The following NTRK3 variants were observed in gnomAD, a reference collection of about 807,000 sequenced individuals.
NTRK3 encodes NT-3 growth factor receptor.
NTRK3 carries 24 observed loss-of-function variants against 91.7 expected under a neutral mutation model. The ratio of observed to expected loss-of-function variants is 0.26; its 90% CI spans 0.19 to 0.37. The LOEUF is 0.37. Ranked by LOEUF, NTRK3 falls within the 10% of genes least tolerant of loss-of-function variation. The pLI is 1.00. For missense variants in NTRK3, 880 were observed against 1,068.9 expected (o/e 0.82, Z 2.46); for synonymous variants, 483 against 404.0 (o/e 1.20, Z -2.34).
intron 14 of NTRK3, among the ~76,000 whole-genome samples, chr15:87,966,631 C>T (rs7166703): frequency 0.031 from 4,765 of 152,294 alleles, 259 homozygotes; most frequent in African/African-American, 0.11. Flanking sequence ...GTACCTGCAG[C>T]GTAGCCCACC....
chr15:88,225,285 G>T (rs1376041873), intron 3 of NTRK3, among the ~76,000 whole-genome samples: 9 of 152,142 alleles, frequency 5.9e-5, no homozygotes, highest in African/African-American at 2.2e-4. Context: ...AGACATTTCT[G>T]CACAAATACT....
At chr15:87,959,268 G>T (rs150589532) in intron 14 of NTRK3, among the ~76,000 whole-genome samples, 1 of 152,136 alleles carries the variant, frequency 6.6e-6, no homozygotes, top group Non-Finnish European at 1.5e-5. Flanking sequence ...GGCTCCTTGC[G>T]TCTCCATCAG....
intron 17 of NTRK3, among the ~76,000 whole-genome samples, chr15:87,910,603 G>A (rs1243232920): frequency 1.3e-5 from 2 of 152,212 alleles, no homozygotes; most frequent in Admixed American, 1.3e-4. Context: ...AACAGATTCT[G>A]TGTAAAAGTA....
intron 13 of NTRK3, among the ~76,000 whole-genome samples, chr15:88,094,164 G>A (rs1391457133): frequency 6.6e-6 from 1 of 152,132 alleles, no homozygotes; most frequent in African/African-American, 2.4e-5. Context: ...GCAGGAAGGG[G>A]CTTAAGAATA....
chr15:87,869,899 A>G (rs1046135467), exon 19 of NTRK3: 7 of 190,828 alleles, frequency 3.7e-5, no homozygotes, highest in African/African-American at 1.6e-4. Flanking sequence ...TTTAAAAATA[A>G]TATGTGAAAC....
intron 13 of NTRK3, among the ~76,000 whole-genome samples, chr15:88,110,329 G>T (rs1219442470): frequency 1.3e-5 from 2 of 152,214 alleles, no homozygotes; most frequent in African/African-American, 4.8e-5. Context: ...GGCACCGTGG[G>T]GTAGGCAGAA....
intron 3 of NTRK3, among the ~76,000 whole-genome samples, chr15:88,194,048 C>T (rs1013099871): frequency 3.9e-5 from 6 of 152,202 alleles, no homozygotes; most frequent in Non-Finnish European, 7.3e-5. Flanking sequence ...CAAATCCAAT[C>T]GACTCTTCTC....
At position 88,234,270 on chromosome 15, in the gene NTRK3, A is replaced by G. The variant is rs2141783028; in HGVS notation, c.248+21636T>C. On this transcript the variant is annotated intron_variant, in intron 3 of 18. Transcript: ENST00000394480. This position sits in a 1 kb window ranked among gnomAD's most constrained non-coding sequence, Gnocchi z 6.1. ...CATAGCCTACACATCTCCAGACTGC[A>G]CTCTCTTCCTTCATTCATTCATTCT... Among the ~76,000 whole-genome samples, 1 of 151,932 alleles carries G rather than the reference A, an allele frequency of 6.6e-6. No individual in the cohort carries two copies. The highest frequency in any genetic ancestry group is 3.4e-3 in the Middle Eastern group (1 of 294).
intron 17 of NTRK3, among the ~76,000 whole-genome samples, chr15:87,923,758 AACAGGTG>A (rs2068064771): frequency 6.6e-6 from 1 of 152,178 alleles, no homozygotes; most frequent in Admixed American, 6.5e-5. Flanking sequence ...TGAGACCTCT[AACAGGTG>A]ATTAATCATG....
chr15:88,224,725 G>T (rs1002742092), intron 3 of NTRK3, among the ~76,000 whole-genome samples: 2 of 152,196 alleles, frequency 1.3e-5, no homozygotes, highest in African/African-American at 4.8e-5. Context: ...TACCTACCAG[G>T]AGTGCTGCGA....
At chr15:88,030,168 C>G (rs988689406) in intron 14 of NTRK3, among the ~76,000 whole-genome samples, 1 of 152,204 alleles carries the variant, frequency 6.6e-6, no homozygotes, top group African/African-American at 2.4e-5. Context: ...TCCCCTGCTC[C>G]TTCAAGTCTC....
intron 17 of NTRK3, among the ~76,000 whole-genome samples, chr15:87,900,691 GT>G (rs1308496476): frequency 7.5e-4 from 5 of 6,654 alleles, no homozygotes; most frequent in Non-Finnish European, 3.7e-3. Context: ...TTTACAGAGG[GT>G]GTGTGTGTGT....
chr15:88,221,589 G>A, intron 3 of NTRK3, among the ~76,000 whole-genome samples: 1 of 152,176 alleles, frequency 6.6e-6, no homozygotes, highest in East Asian at 1.9e-4. Context: ...CCAGGAGTTT[G>A]AGACCAGCCT....
intron 13 of NTRK3, among the ~76,000 whole-genome samples, chr15:88,108,552 C>T (rs2050965726): frequency 1.3e-5 from 2 of 152,210 alleles, no homozygotes; most frequent in African/African-American, 2.4e-5. Context: ...AATGTTACAA[C>T]TGAAAGGGAC....
intron 17 of NTRK3, among the ~76,000 whole-genome samples, chr15:87,913,476 T>C (rs1269436915): frequency 6.6e-6 from 1 of 152,136 alleles, no homozygotes; most frequent in Non-Finnish European, 1.5e-5. Context: ...TCTACTTTCA[T>C]GGCAGATGTC....
chr15:88,111,909 T>G (rs1214540765), intron 13 of NTRK3, among the ~76,000 whole-genome samples: 1 of 36,672 alleles, frequency 2.7e-5, no homozygotes, highest in African/African-American at 1.7e-4. Context: ...TTTGTTTTTG[T>G]TTTTTTTTTT....
intron 17 of NTRK3, among the ~76,000 whole-genome samples, chr15:87,920,464 C>T (rs561016865): frequency 1.4e-3 from 208 of 152,260 alleles, no homozygotes; most frequent in African/African-American, 4.8e-3. Context: ...CACAAAGCAC[C>T]CTCTCCCAAA....
chr15:87,861,643 C>G (rs927248395), exon 19 of NTRK3: 1 of 194,054 alleles, frequency 5.2e-6, no homozygotes, highest in Non-Finnish European at 1.1e-5. Context: ...TAGCCAGTGC[C>G]GGCTGAGAGT....
At chr15:88,200,881 T>C (rs2048243619) in intron 3 of NTRK3, among the ~76,000 whole-genome samples, 1 of 152,214 alleles carries the variant, frequency 6.6e-6, no homozygotes. Flanking sequence ...TTCAATGAGA[T>C]GCTGAAAATC....
Sources: allele counts gnomAD v4.1 joint callset (sites outside exome capture counted in the v4.1 genomes callset), GRCh38; gene constraint gnomAD v4.1.1; non-coding constraint Gnocchi (gnomAD v3.1); transcripts MANE v1.5; gene names NCBI Gene and HGNC (gene_info 2026-07-23, HGNC 2026-07-21).